Variants in CHD1 observed in about 807,000 individuals in gnomAD.
The protein encoded by CHD1 is chromodomain helicase DNA binding protein 1.
A neutral mutation model predicts 224.2 loss-of-function variants in CHD1; 36 were observed. That is an observed-to-expected ratio of 0.16 (90% confidence interval 0.12 to 0.21). The LOEUF (loss-of-function observed/expected upper bound fraction) is 0.21. Among genes scored for constraint, CHD1 ranks in the 10% least tolerant of loss-of-function variants. CHD1 has a pLI of 1.00. For synonymous variants in CHD1, 668 were observed against 658.3 expected (o/e 1.01, Z -0.23); for missense variants, 1,378 against 1,994.8 (o/e 0.69, Z 5.89).
chr5:98,927,396 C>T (rs1458636326), intron 1 of CHD1, among the ~76,000 whole-genome samples: 2 of 152,072 alleles, frequency 1.3e-5, no homozygotes, highest in Non-Finnish European at 2.9e-5. Flanking sequence ...CAGAAAGTAC[C>T]GAGACAGCCA....
At position 98,855,191 on chromosome 5, in the gene CHD1, A is replaced by G. The variant is rs1032405722; in HGVS notation, c.*1189T>C. 1.3e-5 allele frequency: 2 copies of G among 152,662 alleles called. No individual in the cohort carries two copies. Among genetic ancestry groups the G allele is most frequent in the East Asian group, 3.8e-4 (2 of 5,204 alleles). 9.5% of individuals were successfully genotyped at this position (152,662 alleles called of 1,614,324 possible). A position where few individuals can be genotyped will look rare whatever the true frequency, so the allele number is the denominator to read the frequency against. On this transcript the variant is annotated 3_prime_UTR_variant, in exon 36 of 36. Transcript: ENST00000614616. The stretch of plus-strand genomic sequence containing the variant: ...GAGTAAGAATGCAGCAGAAAATTAC[A>G]GGAGCCCACATATCCTTTTTCTTAA...
At chr5:98,909,197 T>C (rs143077685) in intron 2 of CHD1, among the ~76,000 whole-genome samples, 52 of 152,306 alleles carry the variant, frequency 3.4e-4, no homozygotes, top group African/African-American at 1.2e-3. Flanking sequence ...AATCAGGCTA[T>C]CCCTTTAGTC....
intron 4 of CHD1, 138 bp from the exon 5 acceptor site, chr5:98,903,102 T>G (rs1399243491): frequency 2.0e-6 from 1 of 508,468 alleles, no homozygotes; most frequent in Non-Finnish European, 3.5e-6. Flanking sequence ...GTAGTTTTAT[T>G]TATGTTAACT....
intron 2 of CHD1, among the ~76,000 whole-genome samples, chr5:98,922,086 A>G (rs1580536525): frequency 6.6e-6 from 1 of 152,180 alleles, no homozygotes; most frequent in Non-Finnish European, 1.5e-5. Context: ...CAGGAGACGG[A>G]GGCTGCAGTG....
At chr5:98,891,872 T>C (rs1204965185) in intron 15 of CHD1, among the ~76,000 whole-genome samples, 1 of 152,164 alleles carries the variant, frequency 6.6e-6, no homozygotes, top group Non-Finnish European at 1.5e-5. Flanking sequence ...TAAGAGTTCA[T>C]TAAATTATCC....
At chr5:98,892,817 C>A (rs1580447204) in intron 14 of CHD1, 104 bp from the exon 15 acceptor site, 1 of 620,912 alleles carries the variant, frequency 1.6e-6, no homozygotes, top group Non-Finnish European at 2.5e-6. Context: ...CAAAATACTA[C>A]AGATTTTTAG....
chr5:98,898,626 AT>A, intron 9 of CHD1, 37 bp downstream of exon 9: 2 of 1,357,520 alleles, frequency 1.5e-6, no homozygotes, highest in Non-Finnish European at 2.1e-6. Context: ...TATTTCAAGC[AT>A]AAAAAGAAAG....
intron 22 of CHD1, among the ~76,000 whole-genome samples, chr5:98,880,398 T>G (rs1750088548): frequency 1.3e-5 from 2 of 152,234 alleles, no homozygotes. Context: ...GAATGATTCA[T>G]TAAAATTATA....
In CHD1 at chr5:98,854,166, CTTAAT is replaced by C. The variant is rs1412524646; in HGVS notation, c.*2209_*2213del. The C allele has an allele frequency of 4.6e-5, 6 of 130,282 alleles. No individual in the cohort carries two copies. Among genetic ancestry groups the C allele is most frequent in the East Asian group, 3.9e-4 (2 of 5,124 alleles). The allele number at this position is 130,282 out of a possible 1,614,324, so 8.1% of individuals were successfully genotyped here. A position where few individuals can be genotyped will look rare whatever the true frequency, so the allele number is the denominator to read the frequency against. ...GTACTAATGTTCTTCACCATTGCGT[CTTAAT>C]TTTTCTGATTTCTTACAAAAATGAA... is the stretch of plus-strand genomic sequence containing the variant. On this transcript the variant is annotated 3_prime_UTR_variant, in exon 36 of 36. Transcript: ENST00000614616.
At chr5:98,867,971 TTTTG>T (rs1749024241) in intron 31 of CHD1, among the ~76,000 whole-genome samples, 1 of 151,834 alleles carries the variant, frequency 6.6e-6, no homozygotes, top group African/African-American at 2.4e-5. Flanking sequence ...CCCAGTTAAT[TTTTG>T]TTTTTTTTCT....
chr5:98,898,523 T>C lies in CHD1; in HGVS notation c.1187-89A>G, dbSNP rs1036667710. The C allele has an allele frequency of 7.0e-6, 9 of 1,290,326 alleles. No individual in the cohort carries two copies. In the Admixed American group the frequency reaches 1.4e-4, roughly 21 times the overall value. 79.9% of individuals were successfully genotyped at this position (1,290,326 alleles called of 1,614,324 possible). On this transcript the variant is annotated intron_variant, in intron 9 of 35. Coordinates refer to ENST00000614616, the MANE Select transcript of CHD1 (RefSeq NM_001270.4). ...TAATTCTTAGTAAAGGCTACACAAG[T>C]AAAATTTAGCTATCTAGTTTACAAT...
intron 7 of CHD1, 80 bp from the exon 8 acceptor site, chr5:98,899,785 T>A: frequency 1.1e-6 from 1 of 949,578 alleles, no homozygotes; most frequent in Non-Finnish European, 1.6e-6. Context: ...TTCAATAATA[T>A]GAGTACAAAA....
intron 8 of CHD1, 46 bp downstream of exon 8, chr5:98,899,434 A>G (rs1420886834): frequency 8.6e-7 from 1 of 1,167,974 alleles, no homozygotes; most frequent in Non-Finnish European, 1.3e-6. Context: ...AAGGTTTAGT[A>G]ATCTTTGAAC....
chr5:98,918,277 T>A (rs555482374), intron 2 of CHD1, among the ~76,000 whole-genome samples: 1 of 151,470 alleles, frequency 6.6e-6, no homozygotes, highest in East Asian at 2.0e-4. Context: ...GCCAGGATGG[T>A]CTCGATCTCC....
intron 2 of CHD1, among the ~76,000 whole-genome samples, chr5:98,912,240 C>T (rs1053982127): frequency 5.3e-5 from 8 of 151,988 alleles, no homozygotes; most frequent in Admixed American, 5.2e-4. Flanking sequence ...AGTAAACATT[C>T]AATTTATGAA....
chr5:98,857,195 A>G (rs1209308119), intron 35 of CHD1, among the ~76,000 whole-genome samples: 7 of 152,156 alleles, frequency 4.6e-5, no homozygotes, highest in African/African-American at 1.7e-4. Context: ...AGCTTCCTCA[A>G]GTTTGACTAG....
intron 31 of CHD1, among the ~76,000 whole-genome samples, chr5:98,868,043 C>T (rs1483481764): frequency 6.6e-6 from 1 of 151,860 alleles, no homozygotes; most frequent in Non-Finnish European, 1.5e-5. Flanking sequence ...TCAGGTGATC[C>T]ACTGCCTCGG....
rs1750659283 is a variant in CHD1 at position 98,886,474 on chromosome 5, A to C, written c.2497-825T>G. Reference sequence around the variant, plus strand: ...CTTATTAAACATTAGCTGCTATTTCACTTTAGAAATGGCAATGATTTTATA... The same window carrying C: ...CTTATTAAACATTAGCTGCTATTTCCCTTTAGAAATGGCAATGATTTTATA... On this transcript the variant is annotated intron_variant, in intron 17 of 35. Coordinates refer to ENST00000614616, the MANE Select transcript of CHD1 (RefSeq NM_001270.4). Among the ~76,000 whole-genome samples the C allele has an allele frequency of 2.6e-5, 4 of 152,286 alleles. No homozygotes were observed. The South Asian group carries it at 8.3e-4, about 32-fold the overall frequency.
chr5:98,926,667 TA>T (rs1272694803), intron 1 of CHD1, 133 bp from the exon 2 acceptor site: 5 of 215,702 alleles, frequency 2.3e-5, no homozygotes, highest in South Asian at 1.6e-4. Flanking sequence ...GGCCTTTTAT[TA>T]AATACTTAAA....
Sources: allele counts gnomAD v4.1 joint callset (sites outside exome capture counted in the v4.1 genomes callset), GRCh38; gene constraint gnomAD v4.1.1; transcripts MANE v1.5; gene names NCBI Gene and HGNC (gene_info 2026-07-23, HGNC 2026-07-21).